TMF1: variants seen among roughly 807,000 people sequenced by gnomAD.
The protein encoded by TMF1 is TATA element modulatory factor 1.
Under a neutral mutation model 126.5 loss-of-function variants are expected in TMF1, and 71 were observed. The ratio of observed to expected loss-of-function variants is 0.56; its 90% CI spans 0.46 to 0.68. The LOEUF (loss-of-function observed/expected upper bound fraction) is 0.68. TMF1 is among the 30% of genes least tolerant of loss of function. The probability of loss-of-function intolerance (pLI) is 0.00; values close to 1 mark genes in which losing one functional copy is unlikely to be tolerated. For missense variants in TMF1, 1,259 were observed against 1,253.2 expected (o/e 1.00, Z -0.07); for synonymous variants, 461 against 430.5 (o/e 1.07, Z -0.88).
chr3:69,047,692 C>T lies in TMF1; in HGVS notation c.1013G>A (p.Ser338Asn), dbSNP rs776115228. 3.1e-6 allele frequency: 5 copies of T among 1,614,142 alleles called. No homozygotes were observed. Among genetic ancestry groups the T allele is most frequent in the African/African-American group, 2.7e-5 (2 of 75,062 alleles). ...SFSVQSLDSR[S>N]VSEINSDDEL... ...ATCATCTGAATTGATTTCACTTACA[C>T]TCCGGCTATCTAATGACTGTACACT... The change falls in exon 2 of 17, where the codon AGT becomes AAT. Residue 338 changes from serine to asparagine, a missense_variant. Transcript: ENST00000398559.
intron 2 of TMF1, 37 bp from the exon 3 acceptor site, chr3:69,044,632 G>A: frequency 1.4e-6 from 2 of 1,435,002 alleles, no homozygotes; most frequent in East Asian, 2.3e-5. Context: ...AGAACGCTTA[G>A]CTTTAAAAAA....
At chr3:69,027,772 C>G (rs1431214841) in intron 13 of TMF1, 128 bp downstream of exon 13, 2 of 513,170 alleles carry the variant, frequency 3.9e-6, no homozygotes, top group Non-Finnish European at 6.8e-6. Flanking sequence ...CATCCTGGGC[C>G]ACATGCCAAC....
intron 13 of TMF1, among the ~76,000 whole-genome samples, chr3:69,027,508 G>A (rs2091776175): frequency 6.6e-6 from 1 of 152,026 alleles, no homozygotes; most frequent in African/African-American, 2.4e-5. Context: ...GGTCCACTCT[G>A]AGCAGGACAC....
At chr3:69,037,535 G>C (rs142742731) in intron 8 of TMF1, among the ~76,000 whole-genome samples, 32 of 152,104 alleles carry the variant, frequency 2.1e-4, no homozygotes, top group Middle Eastern at 3.4e-3. Flanking sequence ...CCAGCTACTC[G>C]GGAGGCTGAA....
At chr3:69,037,667 A>G (rs1473304426) in intron 8 of TMF1, among the ~76,000 whole-genome samples, 1 of 152,086 alleles carries the variant, frequency 6.6e-6, no homozygotes, top group Non-Finnish European at 1.5e-5. Flanking sequence ...TTAGCCAGGC[A>G]TGGTAGCACC....
rs1274586331 is a variant in TMF1, at chr3:69,027,967, A to C, written c.2690T>G (p.Met897Arg). ...TTCTTGTTCAACTTTCATTCTTTCCATTTCTAACTGACTATTCAACAATGT... is the reference window on the plus strand; with the variant it reads ...TTCTTGTTCAACTTTCATTCTTTCCCTTTCTAACTGACTATTCAACAATGT... ...EKTLLNSQLE[M>R]ERMKVEQERK... Residue 897 changes from methionine (M) to arginine (R), a missense_variant, in exon 13 of 17, where the codon ATG (methionine) becomes AGG (arginine). Transcript: ENST00000398559. The C allele has an allele frequency of 6.3e-7, 1 of 1,579,824 alleles. No individual in the cohort carries two copies.
Position 69,022,702 on chromosome 3 carries a change from A to C in TMF1, c.*475T>G, listed in dbSNP as rs1315330550. The C allele has an allele frequency of 3.3e-5, 5 of 152,506 alleles. No homozygotes were observed. The highest frequency in any genetic ancestry group is 3.3e-4 in the Admixed American group (5 of 15,272). The allele number at this position is 152,506 out of a possible 1,614,324, so 9.4% of individuals were successfully genotyped here. On this transcript the variant is annotated 3_prime_UTR_variant, in exon 17 of 17. Transcript: ENST00000398559. ...TAATAATTTTTTACTTTAACACTTA[A>C]TGTACATTTTCATGAGCAGTAATTA...
intron 3 of TMF1, among the ~76,000 whole-genome samples, chr3:69,044,217 A>G (rs1343855915): frequency 2.0e-5 from 3 of 152,208 alleles, no homozygotes; most frequent in Non-Finnish European, 4.4e-5. Flanking sequence ...TGATTAACAC[A>G]GTTTTCTTCA....
rs1277979100 is a variant in TMF1 at position 69,029,263 on chromosome 3, A to C, written c.2594+552T>G. Among the ~76,000 whole-genome samples the C allele has an allele frequency of 2.6e-5, 4 of 151,552 alleles. No individual in the cohort carries two copies. The East Asian group carries it at 7.8e-4, about 29-fold the overall frequency. ...TGGCCAGGCTGGTCTTGAACTCCTA[A>C]CCTCAGGTGATCCACCTGCCTCAGC... On this transcript the variant is annotated intron_variant, in intron 11 of 16. Coordinates refer to ENST00000398559, the MANE Select transcript of TMF1 (RefSeq NM_007114.3).
At chr3:69,033,413 A>G in intron 10 of TMF1, 135 bp downstream of exon 10, 1 of 1,038,674 alleles carries the variant, frequency 9.6e-7, no homozygotes, top group Non-Finnish European at 1.3e-6. Flanking sequence ...AGAAAAAGAG[A>G]AAATGTAAAA....
At chr3:69,050,519 A>C (rs754162760) in intron 1 of TMF1, among the ~76,000 whole-genome samples, 3 of 152,214 alleles carry the variant, frequency 2.0e-5, no homozygotes, top group Non-Finnish European at 4.4e-5. Context: ...ATATAATCCC[A>C]GGGTTATTTG....
At chr3:69,045,507 T>C (rs2091890543) in intron 2 of TMF1, among the ~76,000 whole-genome samples, 1 of 144,140 alleles carries the variant, frequency 6.9e-6, no homozygotes, top group Admixed American at 6.9e-5. Flanking sequence ...AGGCCGGGCA[T>C]GGTGGCTCAT....
chr3:69,036,441 AACT>A (rs1318286235), intron 8 of TMF1, among the ~76,000 whole-genome samples: 1 of 152,226 alleles, frequency 6.6e-6, no homozygotes, highest in African/African-American at 2.4e-5. Flanking sequence ...GTGAATAATA[AACT>A]GTCATTTATG....
intron 10 of TMF1, among the ~76,000 whole-genome samples, chr3:69,032,419 A>T (rs1236391936): frequency 6.6e-6 from 1 of 152,206 alleles, no homozygotes; most frequent in African/African-American, 2.4e-5. Context: ...GTGATTTCTC[A>T]AATTACATTT....
intron 9 of TMF1, 21 bp downstream of exon 9, chr3:69,035,002 T>G: frequency 1.2e-6 from 2 of 1,601,788 alleles, no homozygotes; most frequent in Non-Finnish European, 1.7e-6. Flanking sequence ...GGATTTGTGT[T>G]TTGGAAACCT....
chr3:69,042,741 G>A (rs780786282), intron 5 of TMF1, 66 bp downstream of exon 5: 24 of 1,308,670 alleles, frequency 1.8e-5, no homozygotes, highest in Non-Finnish European at 2.4e-5. Context: ...GCATCAGCTA[G>A]TTATGTGGCA....
Position 69,052,213 on chromosome 3 carries a change from T to A in TMF1, c.-127A>T. 9.3e-7 allele frequency: 1 copy of A among 1,078,650 alleles called. No individual in the cohort carries two copies. Among genetic ancestry groups the A allele is most frequent in the Non-Finnish European group, 1.3e-6 (1 of 780,850 alleles). 66.8% of individuals were successfully genotyped at this position (1,078,650 alleles called of 1,614,324 possible). ...GCTGGTTCTGTCAGCGTGTGGCCAT[T>A]ACCCCGACAGCCTCCCGCGAGCCCG... is the stretch of plus-strand genomic sequence containing the variant. On this transcript the variant is annotated 5_prime_UTR_variant, in exon 1 of 17. An upstream open reading frame in the 5' UTR loses its in-frame stop. Coordinates refer to ENST00000398559, the MANE Select transcript of TMF1 (RefSeq NM_007114.3).
At chr3:69,046,343 C>G (rs544705418) in intron 2 of TMF1, among the ~76,000 whole-genome samples, 1 of 152,242 alleles carries the variant, frequency 6.6e-6, no homozygotes, top group Admixed American at 6.5e-5. Context: ...TTAGAAATCA[C>G]TTACCTTCTT....
chr3:69,043,831 C>G lies in TMF1; in HGVS notation c.1497G>C (p.Leu499Phe). 1 of 1,611,556 alleles carries G rather than the reference C, an allele frequency of 6.2e-7. No homozygotes were observed. Among genetic ancestry groups the G allele is most frequent in the Non-Finnish European group, 8.5e-7 (1 of 1,178,652 alleles). ...VKEESSSISS[L>F]KDEFTQRIAE... ...CAATTCTTTGAGTAAACTCATCTTT[C>G]AAGGAAGAAATGCTACTGCTTTCTT... Residue 499 changes from leucine (L) to phenylalanine (F), a missense_variant, in exon 4 of 17, where the codon TTG becomes TTC. Coordinates refer to ENST00000398559, the MANE Select transcript of TMF1 (RefSeq NM_007114.3).
Sources: allele counts gnomAD v4.1 joint callset (sites outside exome capture counted in the v4.1 genomes callset), GRCh38; gene constraint gnomAD v4.1.1; transcripts MANE v1.5; gene names NCBI Gene and HGNC (gene_info 2026-07-23, HGNC 2026-07-21).